The following SCN7A variants were observed in gnomAD, a reference collection of about 807,000 sequenced individuals.
The protein encoded by SCN7A is sodium channel protein type 7 subunit alpha.
Under a neutral mutation model 155.2 loss-of-function variants are expected in SCN7A, and 138 were observed. The ratio of observed to expected loss-of-function variants is 0.89; its 90% confidence interval spans 0.77 to 1.02. SCN7A has a LOEUF of 1.02. Among genes scored for constraint, SCN7A ranks in the 50% least tolerant of loss-of-function variants. The pLI, the probability that SCN7A is intolerant of heterozygous loss-of-function variation, is 0.00. For synonymous variants in SCN7A, 693 were observed against 649.0 expected, an observed-to-expected ratio of 1.07 and a Z score of -1.03; for missense variants, 2,058 against 1,986.6, an observed-to-expected ratio of 1.04 and a Z score of -0.68.
chr2:166,484,897 CTA>C, intron 2 of SCN7A, among the ~76,000 whole-genome samples: 1 of 151,818 alleles, frequency 6.6e-6, no homozygotes, highest in South Asian at 2.1e-4. Context: ...ATGGACATGT[CTA>C]TGTTTAAGAA....
chr2:166,470,476 G>T, intron 7 of SCN7A, 139 bp downstream of exon 7: 1 of 692,096 alleles, frequency 1.4e-6, no homozygotes, highest in Non-Finnish European at 2.2e-6. Flanking sequence ...TGACATAAAT[G>T]TAAATTTCAG....
At position 166,427,781 on chromosome 2, in the gene SCN7A, C is replaced by A; in HGVS notation, c.2853+7G>T. The A allele has an allele frequency of 6.2e-7, 1 of 1,602,600 alleles. No homozygotes were observed. Among genetic ancestry groups the A allele is most frequent in the Non-Finnish European group, 8.5e-7 (1 of 1,172,906 alleles). ...CAAAGTATCAAACACCCTGGCTGCCCACTTACCAGAGTGCCAGTGCTGAGC... is the reference window on the plus strand; with the variant it reads ...CAAAGTATCAAACACCCTGGCTGCCAACTTACCAGAGTGCCAGTGCTGAGC... On this transcript the variant is annotated splice_region_variant and intron_variant, in intron 18 of 25. Coordinates refer to ENST00000643258, the MANE Select transcript of SCN7A (RefSeq NM_002976.4).
rs992836806 is a variant in SCN7A at position 166,419,652 on chromosome 2, C to A, written c.3135+1538G>T. ...AAATTGCTAGGATTAGAGGTGTAAG[C>A]CACCGTGCCTAGGCTGTTTTGTCAT... On this transcript the variant is annotated intron_variant, in intron 20 of 25. Transcript: ENST00000643258. 2.4e-4 allele frequency among the ~76,000 whole-genome samples: 37 copies of A among 152,062 alleles called. 1 individual carries two copies. The highest frequency in any genetic ancestry group is 1.5e-5 in the Non-Finnish European group (1 of 68,008).
In SCN7A at chr2:166,406,537, C is replaced by T. The variant is rs370436682; in HGVS notation, c.4092G>A (p.Lys1364=). Residue 1364 remains lysine (K), a synonymous_variant, in exon 26 of 26, where the codon AAG becomes AAA. Transcript: ENST00000643258. The part of the protein sequence containing the change: ...IHMLRLGKGP[K]VFHNLMLPLM... ...AAGGAAGCATCAGATTATGAAACAC[C>T]TTTGGTCCTTTTCCAAGACGCAGCA... 85 of 1,612,652 alleles carry T rather than the reference C, an allele frequency of 5.3e-5. No individual in the cohort carries two copies. The highest frequency in any genetic ancestry group is 6.4e-5 in the Non-Finnish European group (75 of 1,179,270).
At chr2:166,466,455 C>T (rs938784161) in intron 7 of SCN7A, among the ~76,000 whole-genome samples, 4 of 152,056 alleles carry the variant, frequency 2.6e-5, no homozygotes, top group African/African-American at 9.7e-5. Context: ...AAGAGAATAA[C>T]ACAACTGTGG....
chr2:166,437,447 G>A (rs528194146), intron 15 of SCN7A, among the ~76,000 whole-genome samples: 1 of 152,322 alleles, frequency 6.6e-6, no homozygotes, highest in Admixed American at 6.5e-5. Flanking sequence ...GAGAACCTCT[G>A]CTATGGCAGT....
At chr2:166,457,374 T>G (rs1213936211) in intron 10 of SCN7A, among the ~76,000 whole-genome samples, 1 of 152,236 alleles carries the variant, frequency 6.6e-6, no homozygotes, top group Non-Finnish European at 1.5e-5. Context: ...GAAAATACAT[T>G]TGAAATAATT....
At chr2:166,435,778 TAA>T (rs1701826629) in intron 15 of SCN7A, among the ~76,000 whole-genome samples, 1 of 152,170 alleles carries the variant, frequency 6.6e-6, no homozygotes, top group African/African-American at 2.4e-5. Flanking sequence ...AATTTTGTAT[TAA>T]GTTTTCTCTT....
At position 166,432,300 on chromosome 2, in the gene SCN7A, G is replaced by T. The variant is rs771876747; in HGVS notation, c.2592+18C>A. 20 of 1,567,636 alleles carry T rather than the reference G, an allele frequency of 1.3e-5. No individual in the cohort carries two copies. Among genetic ancestry groups the T allele is most frequent in the Non-Finnish European group, 1.6e-5 (19 of 1,156,994 alleles). On this transcript the variant is annotated intron_variant, in intron 16 of 25. Coordinates refer to ENST00000643258, the MANE Select transcript of SCN7A (RefSeq NM_002976.4). ...CTATAAATCACCACTAAGCAATCAGGATATTTAAACATCTTACCTCTTTGC... is the reference window on the plus strand; with the variant it reads ...CTATAAATCACCACTAAGCAATCAGTATATTTAAACATCTTACCTCTTTGC...
intron 21 of SCN7A, among the ~76,000 whole-genome samples, chr2:166,413,523 TAA>T (rs1191451833): frequency 6.6e-6 from 1 of 152,002 alleles, no homozygotes; most frequent in Non-Finnish European, 1.5e-5. Flanking sequence ...CTCAAAATGC[TAA>T]AGAGATAAAA....
At chr2:166,428,497 T>C (rs893855693) in intron 17 of SCN7A, among the ~76,000 whole-genome samples, 1 of 151,996 alleles carries the variant, frequency 6.6e-6, no homozygotes, top group Non-Finnish European at 1.5e-5. Flanking sequence ...TGGAGTACTT[T>C]GTGGGTAGAG....
chr2:166,428,488 G>A (rs1575017603), intron 17 of SCN7A, among the ~76,000 whole-genome samples: 4 of 152,122 alleles, frequency 2.6e-5, no homozygotes, highest in Admixed American at 2.6e-4. Flanking sequence ...CATGGACTGT[G>A]GAGTACTTTG....
intron 1 of SCN7A, among the ~76,000 whole-genome samples, chr2:166,491,410 A>G (rs1466377221): frequency 6.6e-6 from 1 of 152,162 alleles, no homozygotes; most frequent in Non-Finnish European, 1.5e-5. Flanking sequence ...CAACAGGGAT[A>G]TCTGTTTGCT....
At chr2:166,448,743 A>G (rs1007911715) in intron 11 of SCN7A, among the ~76,000 whole-genome samples, 26 of 152,198 alleles carry the variant, frequency 1.7e-4, no homozygotes, top group Non-Finnish European at 3.1e-4. Context: ...TTTGACAAGT[A>G]ATTCAATATA....
At chr2:166,483,731 A>G (rs900381942) in intron 2 of SCN7A, among the ~76,000 whole-genome samples, 4 of 151,920 alleles carry the variant, frequency 2.6e-5, no homozygotes, top group African/African-American at 9.7e-5. Flanking sequence ...TTTTGATCAT[A>G]TAAAACAGTA....
chr2:166,413,738 C>T (rs965203871), intron 21 of SCN7A, among the ~76,000 whole-genome samples: 82 of 151,406 alleles, frequency 5.4e-4, no homozygotes, highest in African/African-American at 2.0e-3. Context: ...CAGCTGCCAG[C>T]AAATATAAAG....
chr2:166,473,753 A>G, intron 5 of SCN7A, 46 bp downstream of exon 5: 1 of 493,314 alleles, frequency 2.0e-6, no homozygotes, highest in Non-Finnish European at 3.2e-6. Context: ...TATTAAAAAT[A>G]TACAATTATA....
intron 11 of SCN7A, among the ~76,000 whole-genome samples, chr2:166,454,097 TA>T (rs1702229775): frequency 1.3e-5 from 2 of 152,148 alleles, no homozygotes; most frequent in Non-Finnish European, 2.9e-5. Context: ...GAAGAGTTAA[TA>T]AAACATTTCA....
At chr2:166,478,772 G>T (rs768348869) in intron 2 of SCN7A, among the ~76,000 whole-genome samples, 3 of 151,582 alleles carry the variant, frequency 2.0e-5, no homozygotes, top group Non-Finnish European at 4.4e-5. Flanking sequence ...TATCTTTGGG[G>T]TACTCTAGTA....
Sources: allele counts gnomAD v4.1 joint callset (sites outside exome capture counted in the v4.1 genomes callset), GRCh38; gene constraint gnomAD v4.1.1; transcripts MANE v1.5; gene names NCBI Gene and HGNC (gene_info 2026-07-23, HGNC 2026-07-21).